Variants in JPH1 observed in about 807,000 individuals in gnomAD.
JPH1 encodes junctophilin-1.
A neutral mutation model predicts 53.6 loss-of-function variants in JPH1; 12 were observed. The ratio of observed to expected loss-of-function variants is 0.22; its 90% CI spans 0.14 to 0.36. The LOEUF (loss-of-function observed/expected upper bound fraction) is 0.36. Among genes scored for constraint, JPH1 ranks in the 10% least tolerant of loss-of-function variants. The pLI is 1.00. For synonymous variants in JPH1, 375 were observed against 363.8 expected, an observed-to-expected ratio of 1.03 and a Z score of -0.35; for missense variants, 808 against 905.5, an observed-to-expected ratio of 0.89 and a Z score of 1.38.
chr8:74,301,453 C>T (rs1410246862), intron 2 of JPH1, among the ~76,000 whole-genome samples: 1 of 152,206 alleles, frequency 6.6e-6, no homozygotes, highest in East Asian at 1.9e-4. Context: ...TGCAAAGAAA[C>T]ATTAATTCAG....
At chr8:74,249,938 G>A (rs542075451) in intron 3 of JPH1, among the ~76,000 whole-genome samples, 57 of 152,284 alleles carry the variant, frequency 3.7e-4, no homozygotes, top group Admixed American at 1.6e-3. Flanking sequence ...GACAAAGCTC[G>A]TTGGGGATGA....
rs200169588 is a variant in JPH1 at position 74,244,841 on chromosome 8, C to T, written c.1593G>A (p.Lys531=). 1,336 of 1,614,172 alleles carry T rather than the reference C, an allele frequency of 8.3e-4. 18 individuals are homozygous for T. The South Asian group carries it at 0.014, about 17-fold the overall frequency. The change falls in exon 4 of 6, where the codon AAG becomes AAA. Residue 531 remains lysine (K), a synonymous_variant. Transcript: ENST00000342232. ...KEAGAVVPQS[K]YSGRHHIPNP... ...TGGGGATGTGGTGGCGGCCAGAGTA[C>T]TTGGACTGGGGCACAACCGCTCCTG...
chr8:74,310,858 T>A (rs1379374804), intron 2 of JPH1, among the ~76,000 whole-genome samples: 1 of 152,116 alleles, frequency 6.6e-6, no homozygotes. Context: ...CAAATAAAAG[T>A]CTCTAAAGCA....
intron 2 of JPH1, among the ~76,000 whole-genome samples, chr8:74,271,895 C>T (rs1347655459): frequency 6.6e-6 from 1 of 152,158 alleles, no homozygotes; most frequent in African/African-American, 2.4e-5. Context: ...CCCTGGCAGA[C>T]AGGGCTTCTT....
chr8:74,245,289 C>T (rs1805825522), intron 3 of JPH1, 114 bp from the exon 4 acceptor site: 1 of 869,178 alleles, frequency 1.2e-6, no homozygotes, highest in Non-Finnish European at 1.6e-6. Flanking sequence ...AAGGCTTTGA[C>T]TAAACACATA....
rs186066113 is a variant in JPH1 at position 74,274,299 on chromosome 8, G to A, written c.1140-14796C>T. 8.1e-4 allele frequency among the ~76,000 whole-genome samples: 124 copies of A among 152,274 alleles called. 1 individual carries two copies. Among genetic ancestry groups the A allele is most frequent in the African/African-American group, 2.8e-3 (115 of 41,542 alleles). ...AACTTAAGAGACTGAATTGAGAAAC[G>A]TGAACAATAATGAAAGGAAAAGTAA... On this transcript the variant is annotated intron_variant, in intron 2 of 5. Coordinates refer to ENST00000342232, the MANE Select transcript of JPH1 (RefSeq NM_020647.4).
intron 1 of JPH1, among the ~76,000 whole-genome samples, chr8:74,318,821 A>T (rs1399698837): frequency 6.6e-6 from 1 of 152,196 alleles, no homozygotes; most frequent in Non-Finnish European, 1.5e-5. Context: ...TATTTTGGCC[A>T]AAACCTTTGT....
intron 3 of JPH1, 50 bp from the exon 4 acceptor site, chr8:74,245,225 A>G (rs767178974): frequency 1.4e-6 from 2 of 1,469,882 alleles, no homozygotes; most frequent in South Asian, 1.5e-5. Flanking sequence ...GTATATATAC[A>G]TATATTTTGC....
Position 74,320,998 on chromosome 8 carries a change from C to T in JPH1, c.290G>A (p.Arg97Gln). Residue 97 changes from arginine (R) to glutamine (Q), a missense_variant, in exon 1 of 6, where the codon CGG (arginine) becomes CAG (glutamine). Arg to Gln is a conservative substitution (Grantham distance 43). This residue lies in a region of JPH1 where 756 missense variants were observed against 811.9 expected (regional missense o/e 0.93). Coordinates refer to ENST00000342232, the MANE Select transcript of JPH1 (RefSeq NM_020647.4). This position sits in a 1 kb window ranked among gnomAD's most constrained non-coding sequence, Gnocchi z 4.4. ...GCGAGCGGGGGTGCACAGGCTCTGC[C>T]GGACCCCGTAGCGCCCCTTGAAACC... ...SHGFKGRYGV[R>Q]QSLCTPARYE... is the part of the protein sequence containing the mutation. 3 of 1,612,880 alleles carry T rather than the reference C, an allele frequency of 1.9e-6. No individual in the cohort carries two copies. The highest frequency in any genetic ancestry group is 1.3e-5 in the African/African-American group (1 of 74,956).
At chr8:74,252,158 T>C (rs1048956989) in intron 3 of JPH1, among the ~76,000 whole-genome samples, 2 of 152,092 alleles carry the variant, frequency 1.3e-5, no homozygotes, top group South Asian at 2.1e-4. Flanking sequence ...TTACACCTTA[T>C]ACAAAAATTA....
At chr8:74,291,649 A>T (rs995151622) in intron 2 of JPH1, among the ~76,000 whole-genome samples, 4 of 152,222 alleles carry the variant, frequency 2.6e-5, no homozygotes, top group African/African-American at 9.6e-5. Context: ...AGGATTATAA[A>T]TCATGCTGTT....
intron 3 of JPH1, among the ~76,000 whole-genome samples, chr8:74,250,741 GC>G (rs1180872894): frequency 6.6e-6 from 1 of 152,158 alleles, no homozygotes; most frequent in Non-Finnish European, 1.5e-5. Flanking sequence ...TTGCTCTAAA[GC>G]CTATGTCACC....
intron 2 of JPH1, among the ~76,000 whole-genome samples, chr8:74,285,044 C>T (rs1445632966): frequency 6.6e-6 from 1 of 152,030 alleles, no homozygotes; most frequent in Non-Finnish European, 1.5e-5. Context: ...AGGCTGGTCT[C>T]GAACTCCTGA....
chr8:74,272,852 T>C (rs943267216), intron 2 of JPH1, among the ~76,000 whole-genome samples: 2 of 151,734 alleles, frequency 1.3e-5, no homozygotes, highest in African/African-American at 4.8e-5. Flanking sequence ...GATCCGCCCG[T>C]CTCGGCCTCC....
At chr8:74,241,998 A>C (rs557273589) in intron 4 of JPH1, among the ~76,000 whole-genome samples, 1 of 152,190 alleles carries the variant, frequency 6.6e-6, no homozygotes, top group African/African-American at 2.4e-5. Flanking sequence ...ATCACATTGA[A>C]TGCGTGCCCC....
chr8:74,256,041 G>T (rs1431499594), intron 3 of JPH1, among the ~76,000 whole-genome samples: 1 of 152,044 alleles, frequency 6.6e-6, no homozygotes, highest in Admixed American at 6.6e-5. Context: ...TCCATTACTG[G>T]GTATATACGC....
intron 4 of JPH1, among the ~76,000 whole-genome samples, chr8:74,238,712 C>T (rs759816252): frequency 2.1e-4 from 32 of 152,216 alleles, no homozygotes; most frequent in Non-Finnish European, 3.4e-4. Flanking sequence ...GACTGGAATG[C>T]AGTGGTGTGA....
At chr8:74,242,681 G>C (rs1227506020) in intron 4 of JPH1, among the ~76,000 whole-genome samples, 1 of 152,184 alleles carries the variant, frequency 6.6e-6, no homozygotes, top group Non-Finnish European at 1.5e-5. Context: ...TTAATTATTA[G>C]AATCTTCGCG....
rs753652880 is a variant in JPH1 at position 74,315,212 on chromosome 8, T to A, written c.788A>T (p.Asp263Val). ...ANSTISFGDV[D>V]CDFCPVEDHV... ...GTCTTCCACCGGGCAAAAATCACAA[T>A]CTACATCGCCAAAGCTGATCGTGGA... Residue 263 changes from aspartate (D) to valine (V), a missense_variant, in exon 2 of 6, where the codon GAT becomes GTT. Transcript: ENST00000342232. The surrounding 1 kb of genome is among the most constrained non-coding windows in gnomAD (Gnocchi z 6.3). 6.2e-7 allele frequency: 1 copy of A among 1,614,070 alleles called. No homozygotes were observed. Among genetic ancestry groups the A allele is most frequent in the African/African-American group, 1.3e-5 (1 of 74,936 alleles).
Sources: allele counts gnomAD v4.1 joint callset (sites outside exome capture counted in the v4.1 genomes callset), GRCh38; gene constraint gnomAD v4.1.1; regional missense constraint gnomAD v4.1.1; non-coding constraint Gnocchi (gnomAD v3.1); transcripts MANE v1.5; gene names NCBI Gene and HGNC (gene_info 2026-07-23, HGNC 2026-07-21).